SUGCT: variants seen among roughly 807,000 people sequenced by gnomAD.
The protein encoded by SUGCT is succinyl-CoA:glutarate-CoA transferase.
SUGCT carries 41 observed loss-of-function variants against 55.0 expected under a neutral mutation model. The ratio of observed to expected loss-of-function variants is 0.74; its 90% CI spans 0.58 to 0.97. The LOEUF is 0.97. Among genes scored for constraint, SUGCT ranks in the 50% least tolerant of loss-of-function variants. SUGCT has a pLI of 0.00. For synonymous variants in SUGCT, 187 were observed against 200.4 expected (o/e 0.93, Z 0.56); for missense variants, 568 against 547.8 (o/e 1.04, Z -0.37).
chr7:40,367,170 A>G (rs1784028854), intron 9 of SUGCT, among the ~76,000 whole-genome samples: 1 of 151,556 alleles, frequency 6.6e-6, no homozygotes, highest in African/African-American at 2.4e-5. Flanking sequence ...CAAGGACAAA[A>G]AACCAAACAT....
intron 8 of SUGCT, among the ~76,000 whole-genome samples, chr7:40,275,129 C>T (rs559330942): frequency 3.3e-5 from 5 of 152,250 alleles, no homozygotes; most frequent in East Asian, 1.9e-4. Context: ...TTAAAATACA[C>T]GGACCATGAA....
At chr7:40,928,908 T>G in the SUGCT span, among the ~76,000 whole-genome samples, 1 of 152,068 alleles carries the variant, frequency 6.6e-6, no homozygotes, top group African/African-American at 2.4e-5. Context: ...AAAACTCTAC[T>G]TTTTCCTTTT....
At chr7:40,553,668 A>G (rs1795418202) in intron 12 of SUGCT, among the ~76,000 whole-genome samples, 2 of 152,120 alleles carry the variant, frequency 1.3e-5, no homozygotes, top group African/African-American at 4.8e-5. Context: ...TTTCCACACC[A>G]TCTACCTCGT....
At chr7:40,916,101 AC>A in the SUGCT span, among the ~76,000 whole-genome samples, 1 of 146,384 alleles carries the variant, frequency 6.8e-6, no homozygotes, top group African/African-American at 2.6e-5. Context: ...ACACACACAC[AC>A]ACAGATATAC....
intron 13 of SUGCT, among the ~76,000 whole-genome samples, chr7:40,795,537 G>A (rs539277283): frequency 1.1e-3 from 160 of 152,178 alleles, no homozygotes; most frequent in Non-Finnish European, 2.0e-3. Context: ...ATCTTAAGTA[G>A]AAAAGCAGGG....
chr7:40,742,582 G>A (rs1458665643), intron 12 of SUGCT, among the ~76,000 whole-genome samples: 15 of 152,034 alleles, frequency 9.9e-5, no homozygotes, highest in Admixed American at 9.8e-4. Context: ...AATGCTCCTT[G>A]CCCACTGCTC....
At chr7:40,346,631 A>G (rs1797327279) in intron 9 of SUGCT, among the ~76,000 whole-genome samples, 1 of 152,254 alleles carries the variant, frequency 6.6e-6, no homozygotes, top group South Asian at 2.1e-4. Context: ...ATATGTTTGC[A>G]GACATACACA....
At chr7:40,237,140 T>G (rs1789066766) in intron 6 of SUGCT, among the ~76,000 whole-genome samples, 1 of 151,324 alleles carries the variant, frequency 6.6e-6, no homozygotes. Flanking sequence ...GCCTGAGTTT[T>G]TTTTTAAGAA....
chr7:40,384,261 G>A (rs1785007300), intron 9 of SUGCT, among the ~76,000 whole-genome samples: 1 of 152,164 alleles, frequency 6.6e-6, no homozygotes, highest in African/African-American at 2.4e-5. Context: ...TCTGTGGGGT[G>A]CTGGGGATAC....
At chr7:40,964,389 G>T in the SUGCT span, among the ~76,000 whole-genome samples, 1 of 152,190 alleles carries the variant, frequency 6.6e-6, no homozygotes, top group Non-Finnish European at 1.5e-5. Context: ...TCTTTGTGGG[G>T]ATGTTAGATT....
At chr7:40,944,407 G>GT in the SUGCT span, among the ~76,000 whole-genome samples, 2 of 151,302 alleles carry the variant, frequency 1.3e-5, no homozygotes, top group Non-Finnish European at 2.9e-5. Flanking sequence ...GGTTTTTATG[G>GT]TTTTAGGTCT....
intron 6 of SUGCT, among the ~76,000 whole-genome samples, chr7:40,232,207 G>T (rs193103056): frequency 1.3e-3 from 202 of 152,266 alleles, no homozygotes; most frequent in African/African-American, 4.7e-3. Context: ...ACTTTATTTT[G>T]TTCTCTTTTT....
chr7:40,566,982 C>T (rs577472263), intron 12 of SUGCT, among the ~76,000 whole-genome samples: 69 of 152,278 alleles, frequency 4.5e-4, no homozygotes, highest in Non-Finnish European at 8.2e-4. Flanking sequence ...CAACTAAAAG[C>T]TTAAGAAAAT....
At chr7:40,487,081 T>TTTG (rs961793599) in intron 11 of SUGCT, among the ~76,000 whole-genome samples, 1 of 134,984 alleles carries the variant, frequency 7.4e-6, no homozygotes, top group African/African-American at 2.7e-5. Context: ...TTTCAATCTT[T>TTTG]TTTTTTTTTT....
At chr7:40,217,374 C>T in intron 6 of SUGCT, 1 of 428,760 alleles carries the variant, frequency 2.3e-6, no homozygotes, top group South Asian at 1.7e-5. Context: ...CTACACCAGG[C>T]TAATTTTTGT....
In SUGCT at chr7:40,359,839, T is replaced by C. The variant is rs542279651; in HGVS notation, c.816+42984T>C. ...ATGGTAGCTATTATTTACATTAAAA[T>C]GACAGATTTTATACTTTAATATTTT... On this transcript the variant is annotated intron_variant, in intron 9 of 13. Transcript: ENST00000335693. Among the ~76,000 whole-genome samples the C allele has an allele frequency of 3.3e-5, 5 of 152,320 alleles. No homozygotes were observed. In the South Asian group the frequency reaches 1.0e-3, roughly 32 times the overall value.
intron 12 of SUGCT, among the ~76,000 whole-genome samples, chr7:40,659,314 G>T (rs1801189452): frequency 6.6e-6 from 1 of 152,224 alleles, no homozygotes; most frequent in South Asian, 2.1e-4. Context: ...TTTTATTGGG[G>T]CTGGAGGATC....
At chr7:40,995,324 A>T in the SUGCT span, among the ~76,000 whole-genome samples, 1 of 151,748 alleles carries the variant, frequency 6.6e-6, no homozygotes, top group Non-Finnish European at 1.5e-5. Flanking sequence ...AGACACATAC[A>T]CACATTTTAT....
intron 13 of SUGCT, among the ~76,000 whole-genome samples, chr7:40,840,566 G>A (rs1008398230): frequency 2.6e-5 from 4 of 151,754 alleles, no homozygotes; most frequent in African/African-American, 7.3e-5. Context: ...GCAGTACTGT[G>A]AGGAAAATTT....
Sources: allele counts gnomAD v4.1 joint callset (sites outside exome capture counted in the v4.1 genomes callset), GRCh38; gene constraint gnomAD v4.1.1; transcripts MANE v1.5; gene names NCBI Gene and HGNC (gene_info 2026-07-23, HGNC 2026-07-21).